Variants in UPP2 observed in about 807,000 individuals in gnomAD.
UPP2 encodes the protein UPase 2.
Under a neutral mutation model 26.7 loss-of-function variants are expected in UPP2, and 23 were observed. That is an observed-to-expected ratio of 0.86 (90% CI 0.62 to 1.22). The LOEUF (loss-of-function observed/expected upper bound fraction) is 1.22, where lower values mean the gene tolerates loss of function less well. Among genes scored for constraint, UPP2 ranks in the 50% most tolerant of loss-of-function variants. The pLI is 0.00. For missense variants in UPP2, 387 were observed against 396.7 expected (o/e 0.98, Z 0.21); for synonymous variants, 127 against 141.3 (o/e 0.90, Z 0.72).
At chr2:158,075,783 G>T (rs1221111180) in intron 3 of UPP2, among the ~76,000 whole-genome samples, 1 of 151,302 alleles carries the variant, frequency 6.6e-6, no homozygotes, top group East Asian at 1.9e-4. Flanking sequence ...TAAAAAATTA[G>T]AAAATCAAGA....
rs534576595 is a variant in UPP2, at chr2:158,047,442, T to C, written c.147+31556T>C. 2.6e-5 allele frequency among the ~76,000 whole-genome samples: 4 copies of C among 152,338 alleles called. No individual in the cohort carries two copies. In the South Asian group the frequency reaches 8.3e-4, roughly 32 times the overall value. On this transcript the variant is annotated intron_variant, in intron 3 of 9. Transcript: ENST00000605860. The stretch of plus-strand genomic sequence containing the variant: ...AAACCTGCCTTTTTCCCAGTTTATG[T>C]GTCAGTGGCAAGAGGAGCATGCTGA...
chr2:158,046,522 G>A (rs1464920517), intron 3 of UPP2, among the ~76,000 whole-genome samples: 3 of 152,224 alleles, frequency 2.0e-5, no homozygotes, highest in East Asian at 1.9e-4. Context: ...ATAGGGAGAC[G>A]GAGCTACACA....
At chr2:158,035,483 T>C (rs181310625) in intron 3 of UPP2, among the ~76,000 whole-genome samples, 38 of 152,232 alleles carry the variant, frequency 2.5e-4, no homozygotes, top group African/African-American at 7.5e-4. Flanking sequence ...TGGGCTCTGA[T>C]AGTCTGTCAT....
chr2:158,048,130 A>C (rs895829757), intron 3 of UPP2, among the ~76,000 whole-genome samples: 2 of 152,216 alleles, frequency 1.3e-5, no homozygotes, highest in African/African-American at 2.4e-5. Flanking sequence ...ACTAAACAGT[A>C]CTAGACACAG....
chr2:158,090,506 A>C (rs1682894200), intron 3 of UPP2, among the ~76,000 whole-genome samples: 1 of 150,662 alleles, frequency 6.6e-6, no homozygotes, highest in Non-Finnish European at 1.5e-5. Flanking sequence ...GTCTCAAAAA[A>C]ACCCAAAAAA....
At chr2:158,059,830 A>G (rs1682325380) in intron 3 of UPP2, among the ~76,000 whole-genome samples, 4 of 152,006 alleles carry the variant, frequency 2.6e-5, no homozygotes, top group Admixed American at 2.0e-4. Context: ...TCTAAGTTCA[A>G]TGTTCTATCT....
chr2:158,064,636 G>T (rs1196424427), intron 3 of UPP2, among the ~76,000 whole-genome samples: 1 of 152,016 alleles, frequency 6.6e-6, no homozygotes, highest in African/African-American at 2.4e-5. Flanking sequence ...CATTGCTTTT[G>T]GTGTTTTAGT....
Position 158,106,089 on chromosome 2 carries a change from T to C in UPP2, c.63-10T>C. On this transcript the variant is annotated splice_polypyrimidine_tract_variant and intron_variant, in intron 1 of 6. Coordinates refer to ENST00000005756, the MANE Select transcript of UPP2 (RefSeq NM_173355.4). ...CTTTTATATCTTCTTTGTATAATTT[T>C]TTTTTCCAGAAAAAGGTTTGTTCAC... 5.8e-6 allele frequency: 9 copies of C among 1,562,232 alleles called. No homozygotes were observed. The highest frequency in any genetic ancestry group is 7.8e-6 in the Non-Finnish European group (9 of 1,155,878).
At position 158,115,167 on chromosome 2, in the gene UPP2, G is replaced by A. The variant is rs147784693; in HGVS notation, c.247G>A (p.Gly83Arg). The change falls in exon 3 of 7, where the codon GGG becomes AGG. Residue 83 changes from glycine to arginine, a missense_variant. Physicochemically the swap from Gly to Arg is moderately radical, Grantham distance 125. Transcript: ENST00000005756. ...TGCACTGTTTATGCACAAGGAGCTC[G>A]GGTTTGAGGAAGCTGAAGAAGACAT... ...AFALFMHKEL[G>R]FEEAEEDIKD... 5.6e-5 allele frequency: 90 copies of A among 1,613,580 alleles called. No homozygotes were observed. The highest frequency in any genetic ancestry group is 6.9e-5 in the Non-Finnish European group (81 of 1,179,858).
chr2:158,084,307 G>T (rs1474609087), intron 3 of UPP2, among the ~76,000 whole-genome samples: 1 of 151,664 alleles, frequency 6.6e-6, no homozygotes, highest in East Asian at 1.9e-4. Context: ...ATACCTTCTT[G>T]AATAGAATTG....
intron 3 of UPP2, among the ~76,000 whole-genome samples, chr2:158,016,832 G>A (rs1683667418): frequency 6.6e-6 from 1 of 152,078 alleles, no homozygotes; most frequent in South Asian, 2.1e-4. Flanking sequence ...GGTGGTTAAT[G>A]TTTCAGGCAC....
intron 2 of UPP2, among the ~76,000 whole-genome samples, chr2:157,999,629 T>C (rs1683375274): frequency 6.6e-6 from 1 of 152,216 alleles, no homozygotes; most frequent in Non-Finnish European, 1.5e-5. Flanking sequence ...TTTTGGCCAA[T>C]GATGAGTTAC....
chr2:158,075,044 T>C (rs1682609563), intron 3 of UPP2, among the ~76,000 whole-genome samples: 1 of 151,754 alleles, frequency 6.6e-6, no homozygotes, highest in Non-Finnish European at 1.5e-5. Flanking sequence ...CATTACATAA[T>C]GAAAAAATGG....
chr2:158,034,233 T>C (rs1683967347), intron 3 of UPP2, among the ~76,000 whole-genome samples: 1 of 152,204 alleles, frequency 6.6e-6, no homozygotes, highest in South Asian at 2.1e-4. Flanking sequence ...GTGCTTGTTC[T>C]TGAAGCTGCC....
chr2:158,051,157 A>ATGTGTGTGTGTGTGTGTG (rs57745839), intron 3 of UPP2, among the ~76,000 whole-genome samples: 63 of 145,052 alleles, frequency 4.3e-4, no homozygotes, highest in Middle Eastern at 3.5e-3. Context: ...CTCTAGGAAT[A>ATGTGTGTGTGTGTGTGTG]TGTGTGTGTG....
Position 158,029,993 on chromosome 2 carries a change from C to T in UPP2, c.147+14107C>T, listed in dbSNP as rs567679344. On this transcript the variant is annotated intron_variant, in intron 3 of 9. Transcript: ENST00000605860. ...CTTTCAAATTTGGGTTTTGAAAACA[C>T]AAAATAGCAAAAAGGGAAGTAGTTG... Among the ~76,000 whole-genome samples the T allele has an allele frequency of 5.9e-5, 9 of 151,832 alleles. No homozygotes were observed. The South Asian group carries it at 1.7e-3, about 28-fold the overall frequency.
In UPP2 at chr2:158,106,143, A is replaced by C. The variant is rs775552495; in HGVS notation, c.107A>C (p.Asp36Ala). ...AAAAATCCTTACTTGGATTTGATGG[A>C]TGAAGACATTCTCTATCACTTGGAT... The part of the protein sequence containing the change: ...HVKNPYLDLM[D>A]EDILYHLDLG... Residue 36 changes from aspartate to alanine, a missense_variant, in exon 2 of 7, where the codon GAT (aspartate) becomes GCT (alanine). Coordinates refer to ENST00000005756, the MANE Select transcript of UPP2 (RefSeq NM_173355.4). 1.2e-6 allele frequency: 2 copies of C among 1,607,418 alleles called. No homozygotes were observed. The highest frequency in any genetic ancestry group is 2.2e-5 in the South Asian group (2 of 89,622).
chr2:158,086,125 C>G (rs10204766), intron 3 of UPP2, among the ~76,000 whole-genome samples: 3,174 of 152,188 alleles, frequency 0.021, 120 homozygotes, highest in African/African-American at 0.072. Flanking sequence ...GTGACTCCAT[C>G]TGATCCTGGA....
At chr2:158,026,962 C>A (rs1204103027) in intron 3 of UPP2, among the ~76,000 whole-genome samples, 1 of 152,110 alleles carries the variant, frequency 6.6e-6, no homozygotes, top group East Asian at 1.9e-4. Flanking sequence ...ACTACGAGAA[C>A]AGTATGGGGG....
Sources: allele counts gnomAD v4.1 joint callset (sites outside exome capture counted in the v4.1 genomes callset), GRCh38; gene constraint gnomAD v4.1.1; transcripts MANE v1.5; gene names NCBI Gene and HGNC (gene_info 2026-07-23, HGNC 2026-07-21).